The following NRXN3 variants were observed in gnomAD, a reference collection of about 807,000 sequenced individuals.
The protein encoded by NRXN3 is neurexin III.
Under a neutral mutation model 137.6 loss-of-function variants are expected in NRXN3, and 32 were observed. The ratio of observed to expected loss-of-function variants is 0.23; its 90% CI spans 0.18 to 0.31. The LOEUF (loss-of-function observed/expected upper bound fraction) is 0.31, where lower values mean the gene tolerates loss of function less well. Among genes scored for constraint, NRXN3 ranks in the 10% least tolerant of loss-of-function variants. The pLI is 1.00. For synonymous variants in NRXN3, 798 were observed against 784.5 expected, an observed-to-expected ratio of 1.02 and a Z score of -0.29; for missense variants, 1,574 against 2,062.5, an observed-to-expected ratio of 0.76 and a Z score of 4.59.
chr14:78,285,225 C>T (rs2075008229), intron 3 of NRXN3, among the ~76,000 whole-genome samples: 1 of 152,150 alleles, frequency 6.6e-6, no homozygotes, highest in South Asian at 2.1e-4. Flanking sequence ...AGACTTCAAC[C>T]TCCTAACTCT....
chr14:78,857,159 G>C lies in NRXN3; in HGVS notation c.2275+46815G>C, dbSNP rs1468737624. Reference sequence around the variant, plus strand: ...CTATACAGATTAAGATGGCATATATGAATTGTTTTTTTTTTCTTTCTCCCA... The same window carrying C: ...CTATACAGATTAAGATGGCATATATCAATTGTTTTTTTTTTCTTTCTCCCA... On this transcript the variant is annotated intron_variant, in intron 10 of 20. Transcript: ENST00000335750. 2.0e-5 allele frequency among the ~76,000 whole-genome samples: 3 copies of C among 152,098 alleles called. No individual in the cohort carries two copies. The East Asian group carries it at 5.8e-4, about 29-fold the overall frequency.
intron 4 of NRXN3, among the ~76,000 whole-genome samples, chr14:78,603,597 A>G (rs1040829036): frequency 6.6e-6 from 1 of 152,226 alleles, no homozygotes; most frequent in Non-Finnish European, 1.5e-5. Flanking sequence ...AAAGACCTCT[A>G]AACAGTTATA....
chr14:79,130,778 C>G (rs2057348238), intron 15 of NRXN3, among the ~76,000 whole-genome samples: 1 of 152,146 alleles, frequency 6.6e-6, no homozygotes. Context: ...GAGTGTTTTC[C>G]AACTTGGTTC....
At chr14:78,961,220 A>G (rs2099407572) in intron 11 of NRXN3, among the ~76,000 whole-genome samples, 2 of 152,150 alleles carry the variant, frequency 1.3e-5, no homozygotes, top group Non-Finnish European at 2.9e-5. Flanking sequence ...TCTAAGGGCC[A>G]TGAAAGGTCA....
intron 20 of NRXN3, among the ~76,000 whole-genome samples, chr14:79,854,838 G>A (rs1467492769): frequency 6.6e-6 from 1 of 152,146 alleles, no homozygotes; most frequent in African/African-American, 2.4e-5. Flanking sequence ...GTAGAGTTTG[G>A]TTATCCAGGA....
chr14:79,767,830 T>A (rs1156537539), intron 19 of NRXN3, among the ~76,000 whole-genome samples: 1 of 152,080 alleles, frequency 6.6e-6, no homozygotes, highest in East Asian at 1.9e-4. Flanking sequence ...ACGCAGAAGA[T>A]GGGTGATTTC....
intron 10 of NRXN3, among the ~76,000 whole-genome samples, chr14:78,885,987 G>A (rs1416324003): frequency 6.6e-6 from 1 of 152,030 alleles, no homozygotes; most frequent in Non-Finnish European, 1.5e-5. Flanking sequence ...TTCCACACAG[G>A]CCTTCCAAGA....
chr14:79,266,718 A>G (rs186595065), intron 15 of NRXN3, among the ~76,000 whole-genome samples: 18 of 152,330 alleles, frequency 1.2e-4, no homozygotes, highest in African/African-American at 2.9e-4. Flanking sequence ...GGAAGGGAGC[A>G]ACTTCTGAGA....
intron 16 of NRXN3, among the ~76,000 whole-genome samples, chr14:79,482,444 C>T (rs973046972): frequency 1.3e-5 from 2 of 152,138 alleles, no homozygotes; most frequent in African/African-American, 2.4e-5. Flanking sequence ...ACAGAGAGCT[C>T]TCTCGCTATC....
Position 79,697,754 on chromosome 14 carries a change from G to T in NRXN3, c.3831G>T (p.Ala1277=). Reference sequence around the variant, plus strand: ...ATGGTTTGAAAGTACTGAACATGGCGGCTGAGAACAACCCCAATATTAAAA... The same window carrying T: ...ATGGTTTGAAAGTACTGAACATGGCTGCTGAGAACAACCCCAATATTAAAA... ...YYDGLKVLNM[A]AENNPNIKIN... The change falls in exon 19 of 21, where the codon GCG becomes GCT. Residue 1277 remains alanine, a synonymous_variant. Transcript: ENST00000335750. 1 of 1,613,016 alleles carries T rather than the reference G, an allele frequency of 6.2e-7. No individual in the cohort carries two copies. Among genetic ancestry groups the T allele is most frequent in the South Asian group, 1.1e-5 (1 of 91,062 alleles).
intron 16 of NRXN3, among the ~76,000 whole-genome samples, chr14:79,531,279 A>G (rs1418458518): frequency 6.6e-6 from 1 of 152,194 alleles, no homozygotes; most frequent in African/African-American, 2.4e-5. Flanking sequence ...TATTTGATCC[A>G]CAGAAGCATT....
At chr14:79,546,780 T>C (rs930859721) in intron 16 of NRXN3, among the ~76,000 whole-genome samples, 1 of 152,204 alleles carries the variant, frequency 6.6e-6, no homozygotes, top group Non-Finnish European at 1.5e-5. Context: ...CAAGTCATTT[T>C]CCATCTATAA....
At chr14:79,738,284 T>G (rs1357328799) in intron 19 of NRXN3, among the ~76,000 whole-genome samples, 4 of 149,742 alleles carry the variant, frequency 2.7e-5, no homozygotes, top group Non-Finnish European at 5.9e-5. Flanking sequence ...AGTGTCCTTA[T>G]AAGAGTGAGG....
At chr14:79,324,784 A>G (rs964412810) in intron 15 of NRXN3, among the ~76,000 whole-genome samples, 4 of 152,216 alleles carry the variant, frequency 2.6e-5, no homozygotes, top group Non-Finnish European at 5.9e-5. Context: ...GCTTTATTCA[A>G]TCATTAGAAC....
intron 15 of NRXN3, among the ~76,000 whole-genome samples, chr14:79,334,014 A>G (rs867341129): frequency 4.6e-5 from 7 of 152,154 alleles, no homozygotes; most frequent in Admixed American, 2.0e-4. Context: ...AAAATAAAAT[A>G]ATGTGAAATT....
At chr14:78,643,919 G>C (rs1454991788) in intron 4 of NRXN3, among the ~76,000 whole-genome samples, 1 of 152,124 alleles carries the variant, frequency 6.6e-6, no homozygotes, top group Non-Finnish European at 1.5e-5. Context: ...AAGGCAGGCA[G>C]ATCACAAAGT....
At chr14:78,972,458 G>C (rs562051018) in intron 14 of NRXN3, among the ~76,000 whole-genome samples, 11 of 152,278 alleles carry the variant, frequency 7.2e-5, no homozygotes, top group African/African-American at 2.6e-4. Context: ...GGGTGCACTC[G>C]AGTGACTCTT....
At chr14:78,384,613 G>A (rs57959386) in intron 4 of NRXN3, among the ~76,000 whole-genome samples, 1 of 152,028 alleles carries the variant, frequency 6.6e-6, no homozygotes, top group African/African-American at 2.4e-5. Flanking sequence ...CACTATAACT[G>A]GGGGAGTTCT....
chr14:79,797,130 A>G (rs1307076777), intron 19 of NRXN3, among the ~76,000 whole-genome samples: 3 of 152,356 alleles, frequency 2.0e-5, no homozygotes, highest in South Asian at 4.1e-4. Flanking sequence ...TGTAAATAAA[A>G]TCATATATTC....
Sources: allele counts gnomAD v4.1 joint callset (sites outside exome capture counted in the v4.1 genomes callset), GRCh38; gene constraint gnomAD v4.1.1; transcripts MANE v1.5; gene names NCBI Gene and HGNC (gene_info 2026-07-23, HGNC 2026-07-21).